SLC25A48: variants seen among roughly 807,000 people sequenced by gnomAD.
SLC25A48 encodes CTC-321K16.1.
SLC25A48 carries 29 observed loss-of-function variants against 32.2 expected under a neutral mutation model. The ratio of observed to expected loss-of-function variants is 0.90; its 90% confidence interval spans 0.67 to 1.23. The LOEUF is 1.23. Ranked by LOEUF, SLC25A48 falls within the 50% of genes most tolerant of loss-of-function variation. The probability of loss-of-function intolerance (pLI) is 0.00; values close to 1 mark genes in which losing one functional copy is unlikely to be tolerated. For synonymous variants in SLC25A48, 164 were observed against 172.3 expected (o/e 0.95, Z 0.38); for missense variants, 399 against 422.7 (o/e 0.94, Z 0.49).
At chr5:135,829,214 A>G (rs576336690) in intron 4 of SLC25A48, among the ~76,000 whole-genome samples, 1 of 152,320 alleles carries the variant, frequency 6.6e-6, no homozygotes, top group African/African-American at 2.4e-5. Context: ...CAGGGAGTTT[A>G]GCATATAGCA....
chr5:135,695,549 A>AT (rs1754245465), intron 3 of SLC25A48, among the ~76,000 whole-genome samples: 1 of 152,008 alleles, frequency 6.6e-6, no homozygotes, highest in African/African-American at 2.4e-5. Flanking sequence ...TGATGCATGC[A>AT]CAGGCCTCGG....
chr5:135,596,916 C>A (rs971808947), intron 1 of SLC25A48, among the ~76,000 whole-genome samples: 2 of 152,108 alleles, frequency 1.3e-5, no homozygotes, highest in Non-Finnish European at 2.9e-5. Flanking sequence ...GGGCTGAAAC[C>A]CAGCTCTGCC....
intron 3 of SLC25A48, among the ~76,000 whole-genome samples, chr5:135,753,659 G>A (rs866499551): frequency 1.3e-5 from 2 of 151,864 alleles, no homozygotes; most frequent in African/African-American, 4.8e-5. Context: ...GTCATATCTC[G>A]AGGATATTAT....
intron 3 of SLC25A48, among the ~76,000 whole-genome samples, chr5:135,677,383 C>CT (rs397723103): frequency 4.4e-3 from 33 of 7,526 alleles, no homozygotes; most frequent in African/African-American, 7.3e-3. Context: ...TATTTTAAAT[C>CT]ATTCAGCCAG....
In SLC25A48 at chr5:135,874,083, G is replaced by A. The variant is rs918066435; in HGVS notation, c.742G>A (p.Gly248Arg). ...CGTGAAAAGTCGACTCCAAGCTGAT[G>A]GGGTTTATTTAAACAAATATAAAGG... ...DVVKSRLQAD[G>R]VYLNKYKGVL... is the part of the protein sequence containing the mutation. The change falls in exon 6 of 8, where the codon GGG (glycine) becomes AGG (arginine). Residue 248 changes from glycine to arginine, a missense_variant. Transcript: ENST00000681962. 21 of 1,527,184 alleles carry A rather than the reference G, an allele frequency of 1.4e-5. No homozygotes were observed. The highest frequency in any genetic ancestry group is 1.7e-5 in the Non-Finnish European group (19 of 1,144,142). 94.6% of individuals were successfully genotyped at this position (1,527,184 alleles called of 1,614,324 possible).
chr5:135,854,647 C>G (rs111845449), intron 4 of SLC25A48, among the ~76,000 whole-genome samples: 2,205 of 152,322 alleles, frequency 0.014, 42 homozygotes, highest in African/African-American at 0.047. Context: ...AGTTGTGGCT[C>G]ATTTGATGTT....
intron 3 of SLC25A48, among the ~76,000 whole-genome samples, chr5:135,680,754 A>G: frequency 6.6e-6 from 1 of 152,198 alleles, no homozygotes; most frequent in East Asian, 1.9e-4. Context: ...GGTCCCTCCC[A>G]TGACACGTGG....
rs1270442098 is a variant in SLC25A48, at chr5:135,852,606, T to G, written c.206T>G (p.Ile69Ser). 1 of 1,606,418 alleles carries G rather than the reference T, an allele frequency of 6.2e-7. No homozygotes were observed. The highest frequency in any genetic ancestry group is 2.2e-5 in the East Asian group (1 of 44,640). The change falls in exon 4 of 8, where the codon ATT becomes AGT. Residue 69 changes from isoleucine to serine, a missense_variant. Transcript: ENST00000681962. ...FKGMSFPLASIAVYNSVVFGV... is the reference protein window; with the variant it reads ...FKGMSFPLASSAVYNSVVFGV... ...GGCATGTCCTTCCCCCTCGCCAGCATTGCCGTCTACAACTCCGTGGTGTTT... is the reference window on the plus strand; with the variant it reads ...GGCATGTCCTTCCCCCTCGCCAGCAGTGCCGTCTACAACTCCGTGGTGTTT...
rs192873480 is a variant in SLC25A48 at position 135,672,793 on chromosome 5, A to G, written c.-521+37837A>G. On this transcript the variant is annotated intron_variant, in intron 3 of 10. Transcript: ENST00000646290. ...TGAGTTTAGACAAATGTATATGCCA[A>G]TGGAACCACAACTACAATCAAGATT... Among the ~76,000 whole-genome samples, 344 of 152,344 alleles carry G rather than the reference A, an allele frequency of 2.3e-3. 1 individual carries two copies. The highest frequency in any genetic ancestry group is 3.1e-3 in the Admixed American group (48 of 15,312).
intron 4 of SLC25A48, among the ~76,000 whole-genome samples, chr5:135,862,227 G>A (rs1282898686): frequency 1.3e-5 from 2 of 152,222 alleles, no homozygotes; most frequent in Non-Finnish European, 1.5e-5. Context: ...CTTCCTAGAA[G>A]TTCATGGCTA....
chr5:135,580,488 C>T lies in SLC25A48; in HGVS notation c.-849+891C>T, dbSNP rs1424007223. Among the ~76,000 whole-genome samples, 3 of 152,276 alleles carry T rather than the reference C, an allele frequency of 2.0e-5. No homozygotes were observed. The East Asian group carries it at 5.8e-4, about 29-fold the overall frequency. On this transcript the variant is annotated intron_variant, in intron 1 of 10. Coordinates refer to the SLC25A48 transcript ENST00000646290. The stretch of plus-strand genomic sequence containing the variant: ...TGCTGAAGGGTGCAATGGGAAGAAT[C>T]TGTGTCGTCTCTTCCCAACTGGAGA...
At chr5:135,775,968 G>A (rs2126615023) in intron 3 of SLC25A48, among the ~76,000 whole-genome samples, 1 of 151,820 alleles carries the variant, frequency 6.6e-6, no homozygotes, top group South Asian at 2.1e-4. Flanking sequence ...GTGAGAGGGT[G>A]ATATTACTCC....
At chr5:135,804,547 C>A (rs1757419930) in intron 3 of SLC25A48, among the ~76,000 whole-genome samples, 1 of 151,362 alleles carries the variant, frequency 6.6e-6, no homozygotes, top group Admixed American at 6.6e-5. Context: ...TTTGTTATAT[C>A]CTAGAGAGAT....
At chr5:135,775,913 C>T (rs1309978264) in intron 3 of SLC25A48, among the ~76,000 whole-genome samples, 1 of 150,422 alleles carries the variant, frequency 6.6e-6, no homozygotes, top group Non-Finnish European at 1.5e-5. Flanking sequence ...TCAATATCCC[C>T]AAAAGTGTAC....
chr5:135,714,209 A>G (rs1412615578), intron 3 of SLC25A48, among the ~76,000 whole-genome samples: 6 of 152,184 alleles, frequency 3.9e-5, no homozygotes, highest in African/African-American at 1.4e-4. Context: ...TGGGAGGCCA[A>G]CGGATGGGCA....
At chr5:135,713,531 T>C (rs1269797525) in intron 3 of SLC25A48, among the ~76,000 whole-genome samples, 2 of 152,196 alleles carry the variant, frequency 1.3e-5, no homozygotes, top group Non-Finnish European at 2.9e-5. Context: ...CGGGACATTA[T>C]GTATTTTGCA....
chr5:135,823,978 T>C (rs140807923), intron 4 of SLC25A48, among the ~76,000 whole-genome samples: 107 of 152,240 alleles, frequency 7.0e-4, no homozygotes, highest in African/African-American at 2.5e-3. Flanking sequence ...AAAGTGTCAG[T>C]TGAGTTCCTA....
intron 4 of SLC25A48, among the ~76,000 whole-genome samples, chr5:135,860,560 AT>A (rs1269190752): frequency 6.6e-6 from 1 of 152,120 alleles, no homozygotes; most frequent in African/African-American, 2.4e-5. Context: ...AAAAAGGTAG[AT>A]TTTTTTCATG....
At chr5:135,675,303 A>G (rs1393758083) in intron 3 of SLC25A48, among the ~76,000 whole-genome samples, 3 of 151,680 alleles carry the variant, frequency 2.0e-5, no homozygotes, top group Admixed American at 2.0e-4. Context: ...TTGTCTCTTT[A>G]CTCTGTTGAT....
Sources: gnomAD v4.1 joint callset for allele counts (sites outside exome capture counted in the v4.1 genomes callset) on GRCh38, gnomAD v4.1.1 for gene constraint, MANE v1.5 for transcripts, NCBI Gene and HGNC (gene_info 2026-07-23, HGNC 2026-07-21) for gene names.